Variants in GPC5 observed in about 807,000 individuals in gnomAD.
GPC5 encodes glypican 5.
Under a neutral mutation model 53.9 loss-of-function variants are expected in GPC5, and 47 were observed. The observed-to-expected ratio is 0.87, with a 90% CI of 0.69 to 1.11. GPC5 has a LOEUF of 1.11. Ranked by LOEUF, GPC5 falls within the 50% of genes most tolerant of loss-of-function variation. The probability of loss-of-function intolerance (pLI) is 0.00; values close to 1 mark genes in which losing one functional copy is unlikely to be tolerated. For missense variants in GPC5, 748 were observed against 713.1 expected (o/e 1.05, Z -0.56); for synonymous variants, 286 against 263.3 (o/e 1.09, Z -0.84).
intron 7 of GPC5, among the ~76,000 whole-genome samples, chr13:92,801,047 CT>C (rs1366379678): frequency 1.3e-5 from 2 of 151,152 alleles, no homozygotes; most frequent in African/African-American, 4.9e-5. Context: ...AGAAAACTAG[CT>C]TTTTGGGGGT....
At chr13:92,166,538 A>G (rs116571395) in intron 7 of GPC5, among the ~76,000 whole-genome samples, 5,822 of 152,222 alleles carry the variant, frequency 0.038, 248 homozygotes, top group African/African-American at 0.098. Flanking sequence ...AGAAACTTCC[A>G]TTGTCAAAGG....
At chr13:92,803,148 G>T (rs1566425500) in intron 7 of GPC5, among the ~76,000 whole-genome samples, 1 of 151,790 alleles carries the variant, frequency 6.6e-6, no homozygotes, top group Non-Finnish European at 1.5e-5. Flanking sequence ...TCCTCAATAA[G>T]TTATTATTTT....
At chr13:91,831,474 G>A (rs562289995) in intron 5 of GPC5, among the ~76,000 whole-genome samples, 1 of 152,006 alleles carries the variant, frequency 6.6e-6, no homozygotes, top group East Asian at 1.9e-4. Context: ...ATCCAATAAA[G>A]TTGACACTCA....
At chr13:91,805,685 G>A (rs1392171905) in intron 5 of GPC5, among the ~76,000 whole-genome samples, 2 of 152,174 alleles carry the variant, frequency 1.3e-5, no homozygotes, top group Non-Finnish European at 2.9e-5. Flanking sequence ...CAGTGTGTGT[G>A]TGTTATTCCC....
intron 7 of GPC5, among the ~76,000 whole-genome samples, chr13:92,433,798 G>T (rs1877192993): frequency 6.6e-6 from 1 of 152,086 alleles, no homozygotes; most frequent in African/African-American, 2.4e-5. Flanking sequence ...AAAAGTAAGA[G>T]AAAGAAATGG....
At chr13:92,110,176 G>C (rs970097911) in intron 6 of GPC5, among the ~76,000 whole-genome samples, 1 of 152,058 alleles carries the variant, frequency 6.6e-6, no homozygotes, top group African/African-American at 2.4e-5. Context: ...ACACAGGATT[G>C]GCTCTATCTT....
intron 5 of GPC5, among the ~76,000 whole-genome samples, chr13:91,757,656 G>C (rs1010200788): frequency 2.0e-5 from 3 of 152,128 alleles, no homozygotes; most frequent in African/African-American, 7.2e-5. Context: ...CTTATGCCAT[G>C]ATTAAAAGTT....
intron 7 of GPC5, among the ~76,000 whole-genome samples, chr13:92,852,685 C>T (rs1427796151): frequency 6.6e-6 from 1 of 152,138 alleles, no homozygotes; most frequent in Admixed American, 6.5e-5. Flanking sequence ...ATCTTCCCAC[C>T]TTGGCCTCCC....
chr13:92,613,447 T>TATATTTATATATAAATATGTATTATATA (rs1566320615), intron 7 of GPC5, among the ~76,000 whole-genome samples: 3 of 85,674 alleles, frequency 3.5e-5, no homozygotes, highest in African/African-American at 1.3e-4. Context: ...TAAATATATA[T>TATATTTATATATAAATATGTATTATATA]ATTTATATAT....
chr13:92,272,713 G>A (rs1377713692), intron 7 of GPC5, among the ~76,000 whole-genome samples: 3 of 152,108 alleles, frequency 2.0e-5, no homozygotes, highest in Non-Finnish European at 4.4e-5. Context: ...CCACCTTGTT[G>A]ACAACGAGAA....
At chr13:91,490,687 T>C (rs1883893647) in intron 2 of GPC5, among the ~76,000 whole-genome samples, 1 of 152,194 alleles carries the variant, frequency 6.6e-6, no homozygotes, top group South Asian at 2.1e-4. Flanking sequence ...AAAAGATGGA[T>C]ACACGTTTAA....
At chr13:91,699,133 C>A (rs1198320581) in intron 3 of GPC5, among the ~76,000 whole-genome samples, 1 of 152,126 alleles carries the variant, frequency 6.6e-6, no homozygotes, top group Non-Finnish European at 1.5e-5. Flanking sequence ...AGAGTGTGTT[C>A]TTTTGAGCAT....
intron 5 of GPC5, among the ~76,000 whole-genome samples, chr13:91,821,595 A>G (rs1025654408): frequency 3.9e-5 from 6 of 152,222 alleles, no homozygotes; most frequent in African/African-American, 1.4e-4. Context: ...GTTATGTCAG[A>G]TAAAGAGGGT....
At chr13:92,247,195 G>A (rs1486651530) in intron 7 of GPC5, among the ~76,000 whole-genome samples, 1 of 152,122 alleles carries the variant, frequency 6.6e-6, no homozygotes, top group Non-Finnish European at 1.5e-5. Context: ...GCAGAGTTAT[G>A]AATAATGTTA....
intron 6 of GPC5, among the ~76,000 whole-genome samples, chr13:92,083,148 A>G (rs1490144930): frequency 2.6e-5 from 4 of 152,164 alleles, no homozygotes; most frequent in African/African-American, 9.7e-5. Context: ...CCTTTGGGGG[A>G]CAAGAATTAT....
At chr13:91,797,962 G>A (rs182109465) in intron 5 of GPC5, among the ~76,000 whole-genome samples, 17 of 152,200 alleles carry the variant, frequency 1.1e-4, no homozygotes, top group East Asian at 5.8e-4. Context: ...GCACATTGTT[G>A]GGCGCAGAGT....
intron 6 of GPC5, among the ~76,000 whole-genome samples, chr13:92,032,424 C>CA (rs2040859849): frequency 6.7e-6 from 1 of 150,056 alleles, no homozygotes; most frequent in South Asian, 2.1e-4. Context: ...CGTTTCCCCC[C>CA]AAACCTATGG....
intron 2 of GPC5, among the ~76,000 whole-genome samples, chr13:91,566,704 G>T (rs944824074): frequency 3.3e-5 from 5 of 152,086 alleles, no homozygotes; most frequent in Admixed American, 3.3e-4. Context: ...AAACATAGCA[G>T]ACTAATATTT....
At chr13:92,725,809 T>G (rs1264535763) in intron 7 of GPC5, among the ~76,000 whole-genome samples, 1 of 151,558 alleles carries the variant, frequency 6.6e-6, no homozygotes, top group Non-Finnish European at 1.5e-5. Context: ...TGGATGAAAT[T>G]GTTATTGACC....
Sources: allele counts gnomAD v4.1 joint callset (sites outside exome capture counted in the v4.1 genomes callset), GRCh38; gene constraint gnomAD v4.1.1; transcripts MANE v1.5; gene names NCBI Gene and HGNC (gene_info 2026-07-23, HGNC 2026-07-21).